C11orf65: variants seen among roughly 807,000 people sequenced by gnomAD.
The protein encoded by C11orf65 is chromosome 11 open reading frame 65.
C11orf65 carries 38 observed loss-of-function variants against 35.3 expected under a neutral mutation model. The observed-to-expected ratio is 1.08, with a 90% CI of 0.83 to 1.41. The LOEUF is 1.41. C11orf65 is among the 40% of genes most tolerant of loss of function. The pLI is 0.00. For missense variants in C11orf65, 370 were observed against 367.1 expected (o/e 1.01, Z -0.06); for synonymous variants, 105 against 114.4 (o/e 0.92, Z 0.53).
downstream of C11orf65, among the ~76,000 whole-genome samples, chr11:108,328,766 TA>T (rs571144656): frequency 7.8e-4 from 118 of 152,118 alleles, no homozygotes; most frequent in African/African-American, 2.5e-3. Context: ...CTAATGAGCT[TA>T]AAAAAAATCA....
At chr11:108,421,182 T>C (rs1291912505) in intron 3 of C11orf65, among the ~76,000 whole-genome samples, 6 of 152,188 alleles carry the variant, frequency 3.9e-5, no homozygotes, top group Admixed American at 2.6e-4. Context: ...TCAGCTTCAT[T>C]CTACCTAGAT....
intron 6 of C11orf65, among the ~76,000 whole-genome samples, chr11:108,310,512 A>G (rs575188719): frequency 3.3e-5 from 5 of 152,308 alleles, no homozygotes; most frequent in African/African-American, 1.2e-4. Flanking sequence ...AGGAATGCTT[A>G]TTACTTAGGT....
At position 108,316,117 on chromosome 11, in the gene C11orf65, C is replaced by T. The variant is rs749370650; in HGVS notation, c.641-7046G>A. On this transcript the variant is annotated intron_variant, in intron 6 of 6. Transcript: ENST00000525729. The stretch of plus-strand genomic sequence containing the variant: ...ACGCCAGGCAGGAATCATTCAGGTA[C>T]ATTTTTTCCCAGATTTGGTAAAGCC... 1 of 1,613,046 alleles carries T rather than the reference C, an allele frequency of 6.2e-7. No individual in the cohort carries two copies. The highest frequency in any genetic ancestry group is 1.1e-5 in the South Asian group (1 of 91,036).
chr11:108,330,089 A>C (rs941987732), downstream of C11orf65: 2 of 941,476 alleles, frequency 2.1e-6, no homozygotes, highest in African/African-American at 3.3e-5. Context: ...TAATCCTTAG[A>C]AGTTTGCTTT....
intron 2 of C11orf65, among the ~76,000 whole-genome samples, chr11:108,436,066 G>A (rs2093055385): frequency 1.3e-5 from 2 of 151,418 alleles, no homozygotes; most frequent in African/African-American, 4.9e-5. Flanking sequence ...GTCATTGCTG[G>A]TTTTGAAAAT....
intron 1 of C11orf65, among the ~76,000 whole-genome samples, chr11:108,464,668 T>C (rs1055437821): frequency 9.2e-5 from 14 of 152,100 alleles, no homozygotes; most frequent in Non-Finnish European, 1.5e-4. Flanking sequence ...TGCACATATA[T>C]ATTTGAATTG....
chr11:108,400,922 T>C (rs575508972), intron 6 of C11orf65, among the ~76,000 whole-genome samples: 1 of 151,818 alleles, frequency 6.6e-6, no homozygotes, highest in Non-Finnish European at 1.5e-5. Context: ...CTGGCCAATA[T>C]GTTGAAACCC....
At chr11:108,377,160 G>C (rs1452146420) in intron 2 of C11orf65, among the ~76,000 whole-genome samples, 1 of 150,994 alleles carries the variant, frequency 6.6e-6, no homozygotes, top group Non-Finnish European at 1.5e-5. Context: ...TACCAAAGCC[G>C]AGCAGAGACA....
chr11:108,434,055 G>A (rs905417513), intron 2 of C11orf65, among the ~76,000 whole-genome samples: 8 of 152,276 alleles, frequency 5.3e-5, no homozygotes, highest in African/African-American at 1.2e-4. Context: ...TGCTTGTGTC[G>A]TATGTGAATG....
intron 2 of C11orf65, chr11:108,366,029 C>CA (rs369583811): frequency 0.022 from 2,163 of 100,190 alleles, 14 homozygotes; most frequent in East Asian, 0.063. Flanking sequence ...AACTCCATCT[C>CA]AAAAAAAAAA....
rs56815840 is a variant in C11orf65 at position 108,320,043 on chromosome 11, G to C, written c.641-10972C>G. ...AGAGAATTCTCTACATTTTATGAAAGTCTCAAATATGCCAGGTATTATGAA... is the reference window on the plus strand; with the variant it reads ...AGAGAATTCTCTACATTTTATGAAACTCTCAAATATGCCAGGTATTATGAA... On this transcript the variant is annotated intron_variant, in intron 6 of 6. Transcript: ENST00000525729. 1,130 of 1,598,250 alleles carry C rather than the reference G, an allele frequency of 7.1e-4. 9 individuals are homozygous for C. The African/African-American group carries it at 0.013, about 18-fold the overall frequency.
downstream of C11orf65, chr11:108,329,038 A>G (rs1057523056): frequency 1.2e-6 from 2 of 1,614,092 alleles, no homozygotes; most frequent in Non-Finnish European, 1.7e-6. Flanking sequence ...AAGTTGCTGG[A>G]AATTATGATG....
intron 6 of C11orf65, chr11:108,310,405 T>A: frequency 4.1e-6 from 5 of 1,218,392 alleles, no homozygotes; most frequent in Non-Finnish European, 5.8e-6. Context: ...TGCCTCCTGT[T>A]CCCCATTTAA....
downstream of C11orf65, among the ~76,000 whole-genome samples, chr11:108,326,990 T>C (rs1261238230): frequency 6.6e-6 from 1 of 152,102 alleles, no homozygotes; most frequent in Non-Finnish European, 1.5e-5. Context: ...CATGCCCAGC[T>C]AATTTTTTTG....
chr11:108,316,753 CAAAAAAAAA>C (rs58165074), intron 6 of C11orf65, among the ~76,000 whole-genome samples: 11 of 72,444 alleles, frequency 1.5e-4, no homozygotes, highest in African/African-American at 5.0e-4. Flanking sequence ...ACTAAAAATA[CAAAAAAAAA>C]AAAAAAAAAA....
intron 3 of C11orf65, among the ~76,000 whole-genome samples, chr11:108,428,375 A>C (rs937885735): frequency 1.3e-5 from 2 of 152,212 alleles, no homozygotes; most frequent in Non-Finnish European, 2.9e-5. Flanking sequence ...TGTTTATTGG[A>C]GCAGTGTTCA....
chr11:108,423,182 C>G (rs1188262715), intron 3 of C11orf65, among the ~76,000 whole-genome samples: 1 of 152,152 alleles, frequency 6.6e-6, no homozygotes, highest in Admixed American at 6.5e-5. Context: ...ACCAAGCTAG[C>G]TGCAGTTTTT....
At chr11:108,386,248 T>C (rs1216145415) in intron 7 of C11orf65, among the ~76,000 whole-genome samples, 1 of 152,212 alleles carries the variant, frequency 6.6e-6, no homozygotes, top group Admixed American at 6.5e-5. Context: ...CCTCATTTTA[T>C]CCTGTTAATT....
chr11:108,413,115 T>C (rs1441978124), intron 3 of C11orf65, among the ~76,000 whole-genome samples: 2 of 152,188 alleles, frequency 1.3e-5, no homozygotes, highest in African/African-American at 2.4e-5. Context: ...CAACAGAATA[T>C]ATATTCTTCT....
Sources: allele counts gnomAD v4.1 joint callset (sites outside exome capture counted in the v4.1 genomes callset), GRCh38; gene constraint gnomAD v4.1.1; transcripts MANE v1.5; gene names NCBI Gene and HGNC (gene_info 2026-07-23, HGNC 2026-07-21).